SORCS1: variants seen among roughly 807,000 people sequenced by gnomAD.
SORCS1 encodes the protein VPS10 domain-containing receptor SorCS1.
Under a neutral mutation model 146.1 loss-of-function variants are expected in SORCS1, and 60 were observed. That is an observed-to-expected ratio of 0.41 (90% CI 0.33 to 0.51). The LOEUF (loss-of-function observed/expected upper bound fraction) is 0.51, where lower values mean the gene tolerates loss of function less well. SORCS1 is among the 20% of genes least tolerant of loss of function. The pLI is 0.21. For synonymous variants in SORCS1, 637 were observed against 584.0 expected, an observed-to-expected ratio of 1.09 and a Z score of -1.31; for missense variants, 1,352 against 1,487.6, an observed-to-expected ratio of 0.91 and a Z score of 1.50.
intron 18 of SORCS1, among the ~76,000 whole-genome samples, chr10:106,648,557 C>T (rs1320116467): frequency 6.6e-6 from 1 of 152,190 alleles, no homozygotes; most frequent in East Asian, 1.9e-4. Context: ...TCTTGCTCTT[C>T]ATTCCTTCTA....
At chr10:106,735,951 T>C (rs983535613) in intron 5 of SORCS1, among the ~76,000 whole-genome samples, 4 of 152,220 alleles carry the variant, frequency 2.6e-5, no homozygotes, top group African/African-American at 9.6e-5. Context: ...TGCAGCCTCC[T>C]ACATCTATAC....
At position 107,065,466 on chromosome 10, in the gene SORCS1, CCCTCTCCTCT is replaced by C. The variant is rs61458526; in HGVS notation, c.558+98493_558+98502del. 1.6e-3 allele frequency among the ~76,000 whole-genome samples: 95 copies of C among 59,024 alleles called. 3 individuals are homozygous for C. The highest frequency in any genetic ancestry group is 8.1e-3 in the South Asian group (11 of 1,352). 38.7% of individuals were successfully genotyped at this position (59,024 alleles called of 152,430 possible). A position where few individuals can be genotyped will look rare whatever the true frequency, so the allele number is the denominator to read the frequency against. The stretch of plus-strand genomic sequence containing the variant: ...TTCTTTCTTTTCTCTCTTTCTCTCT[CCCTCTCCTCT>C]CCTCTCCTCTCCTCTCCTCTCCTCT... On this transcript the variant is annotated intron_variant, in intron 1 of 25. Transcript: ENST00000263054.
chr10:106,693,675 G>GA (rs935669497), intron 9 of SORCS1, among the ~76,000 whole-genome samples: 3 of 151,930 alleles, frequency 2.0e-5, no homozygotes, highest in Non-Finnish European at 4.4e-5. Context: ...GTGACTTAAA[G>GA]AAAAAAACAC....
chr10:106,617,624 G>T (rs887685419), intron 21 of SORCS1, among the ~76,000 whole-genome samples: 1 of 152,076 alleles, frequency 6.6e-6, no homozygotes, highest in Middle Eastern at 3.4e-3. Flanking sequence ...TTAGCCATTT[G>T]TTCAAATATC....
intron 1 of SORCS1, among the ~76,000 whole-genome samples, chr10:107,159,651 C>A (rs1969556943): frequency 6.6e-6 from 1 of 152,114 alleles, no homozygotes; most frequent in Non-Finnish European, 1.5e-5. Context: ...TTACTCAAGG[C>A]AACGTGCTGA....
intron 20 of SORCS1, among the ~76,000 whole-genome samples, chr10:106,619,272 G>A (rs774981565): frequency 1.3e-5 from 2 of 152,196 alleles, no homozygotes; most frequent in Non-Finnish European, 2.9e-5. Context: ...TATGGGCTGA[G>A]TTCACACACA....
At chr10:106,791,593 G>T (rs1218444724) in intron 3 of SORCS1, among the ~76,000 whole-genome samples, 1 of 152,130 alleles carries the variant, frequency 6.6e-6, no homozygotes, top group Non-Finnish European at 1.5e-5. Context: ...TAGCTACTCA[G>T]GAGGCTAAGG....
rs184143084 is a variant in SORCS1 at position 106,930,207 on chromosome 10, G to A, written c.626+26306C>T. On this transcript the variant is annotated intron_variant, in intron 2 of 25. Transcript: ENST00000263054. ...TGAGGCAGAAGAATGGCGTGAACCC[G>A]GGAAGCGGAGCTTGCAGTGAGCCGA... Among the ~76,000 whole-genome samples the A allele has an allele frequency of 2.0e-4, 30 of 152,194 alleles. No individual in the cohort carries two copies. The South Asian group carries it at 3.3e-3, about 17-fold the overall frequency.
At chr10:106,654,808 G>C (rs1240851651) in intron 17 of SORCS1, among the ~76,000 whole-genome samples, 2 of 152,072 alleles carry the variant, frequency 1.3e-5, no homozygotes, top group East Asian at 1.9e-4. Context: ...TGCCCATGCT[G>C]GTTGGTCATT....
chr10:107,158,873 C>T (rs911196058), intron 1 of SORCS1, among the ~76,000 whole-genome samples: 2 of 152,054 alleles, frequency 1.3e-5, no homozygotes, highest in African/African-American at 4.8e-5. Context: ...TTTGCCCTAT[C>T]CTATGAACTT....
In SORCS1 at chr10:107,075,988, G is replaced by A. The variant is rs373054948; in HGVS notation, c.558+87981C>T. 1.1e-4 allele frequency among the ~76,000 whole-genome samples: 16 copies of A among 152,000 alleles called. 1 individual carries two copies. Among genetic ancestry groups the A allele is most frequent in the African/African-American group, 3.9e-4 (16 of 41,496 alleles). ...AAACAAAACTTTATTATTTCAAAAGGGTGACACCAAAAAAAAATCAAGAAT... is the reference window on the plus strand; with the variant it reads ...AAACAAAACTTTATTATTTCAAAAGAGTGACACCAAAAAAAAATCAAGAAT... On this transcript the variant is annotated intron_variant, in intron 1 of 25. Coordinates refer to ENST00000263054, the MANE Select transcript of SORCS1 (RefSeq NM_052918.5).
rs570732426 is a variant in SORCS1 at position 106,673,916 on chromosome 10, G to GA, written c.1941-932dup. On this transcript the variant is annotated intron_variant, in intron 14 of 25. Coordinates refer to ENST00000263054, the MANE Select transcript of SORCS1 (RefSeq NM_052918.5). ...CTGTTTTGAAAATATAAAAATTGAA[G>GA]AAAGACAAATTATGGAATGCATTGC... is the stretch of plus-strand genomic sequence containing the variant. 5.3e-4 allele frequency among the ~76,000 whole-genome samples: 81 copies of GA among 152,216 alleles called. 3 individuals carry two copies. Among genetic ancestry groups the GA allele is most frequent in the South Asian group, 1.0e-3 (5 of 4,828 alleles).
chr10:106,600,952 G>T (rs1229003350), intron 23 of SORCS1, among the ~76,000 whole-genome samples: 2 of 152,200 alleles, frequency 1.3e-5, no homozygotes, highest in Admixed American at 6.5e-5. Flanking sequence ...TCATTCATCT[G>T]TGAAGCACCC....
At chr10:106,584,882 T>C (rs1250436635) in intron 24 of SORCS1, among the ~76,000 whole-genome samples, 4 of 152,076 alleles carry the variant, frequency 2.6e-5, no homozygotes, top group African/African-American at 9.7e-5. Context: ...ACCATCATCA[T>C]AATAAACAGA....
At chr10:106,596,317 A>G (rs1005188127) in intron 24 of SORCS1, among the ~76,000 whole-genome samples, 28 of 152,192 alleles carry the variant, frequency 1.8e-4, no homozygotes, top group African/African-American at 6.5e-4. Flanking sequence ...ACCACTTTGC[A>G]CTGGTGTTTG....
chr10:106,625,114 C>T (rs891126277), intron 19 of SORCS1, among the ~76,000 whole-genome samples: 3 of 152,204 alleles, frequency 2.0e-5, no homozygotes, highest in Non-Finnish European at 1.5e-5. Context: ...ATTGTGTGAA[C>T]TGGGTTTCCC....
At position 107,031,403 on chromosome 10, in the gene SORCS1, T is replaced by C. The variant is rs538422629; in HGVS notation, c.559-74823A>G. 1.9e-3 allele frequency among the ~76,000 whole-genome samples: 295 copies of C among 152,260 alleles called. 2 individuals are homozygous for C. The highest frequency in any genetic ancestry group is 6.8e-3 in the African/African-American group (282 of 41,556). On this transcript the variant is annotated intron_variant, in intron 1 of 25. Coordinates refer to ENST00000263054, the MANE Select transcript of SORCS1 (RefSeq NM_052918.5). The stretch of plus-strand genomic sequence containing the variant: ...TTAGCAATCTGAAAGCAACTGATCA[T>C]GCCTATAGCCATTTCAAGAATCAAT...
At chr10:106,848,038 G>T (rs1360243315) in intron 2 of SORCS1, among the ~76,000 whole-genome samples, 1 of 129,228 alleles carries the variant, frequency 7.7e-6, no homozygotes, top group East Asian at 2.3e-4. Flanking sequence ...GTGTGGTGTG[G>T]TGCTGAAAAA....
At chr10:106,678,744 T>G (rs1400978006) in intron 12 of SORCS1, among the ~76,000 whole-genome samples, 2 of 152,210 alleles carry the variant, frequency 1.3e-5, no homozygotes, top group Non-Finnish European at 1.5e-5. Flanking sequence ...CTACTTTCTC[T>G]AACATATGCA....
Sources: gnomAD v4.1 joint callset for allele counts (sites outside exome capture counted in the v4.1 genomes callset) on GRCh38, gnomAD v4.1.1 for gene constraint, MANE v1.5 for transcripts, NCBI Gene and HGNC (gene_info 2026-07-23, HGNC 2026-07-21) for gene names.